Variants in CCSER1 observed in about 807,000 individuals in gnomAD.
CCSER1 encodes the protein serine-rich coiled-coil domain-containing protein 1.
CCSER1 carries 41 observed loss-of-function variants against 82.0 expected under a neutral mutation model. The ratio of observed to expected loss-of-function variants is 0.50; its 90% CI spans 0.39 to 0.65. The LOEUF is 0.65. Ranked by LOEUF, CCSER1 falls within the 30% of genes least tolerant of loss-of-function variation. The probability of loss-of-function intolerance (pLI) is 0.00; values close to 1 mark genes in which losing one functional copy is unlikely to be tolerated. For missense variants in CCSER1, 1,119 were observed against 1,064.2 expected (o/e 1.05, Z -0.72); for synonymous variants, 414 against 383.9 (o/e 1.08, Z -0.92).
intron 1 of CCSER1, among the ~76,000 whole-genome samples, chr4:90,243,632 A>G (rs1233824251): frequency 6.6e-6 from 1 of 151,902 alleles, no homozygotes; most frequent in African/African-American, 2.4e-5. Flanking sequence ...AAACAATCCT[A>G]CAGTCTCAAC....
At chr4:90,356,159 G>GTATA (rs1304315150) in intron 3 of CCSER1, among the ~76,000 whole-genome samples, 1 of 151,734 alleles carries the variant, frequency 6.6e-6, no homozygotes, top group Non-Finnish European at 1.5e-5. Context: ...CCAACTTACA[G>GTATA]TATATCAAAC....
At chr4:90,915,082 A>C (rs144619361) in intron 8 of CCSER1, among the ~76,000 whole-genome samples, 7,418 of 152,288 alleles carry the variant, frequency 0.049, 595 homozygotes, top group African/African-American at 0.17. Context: ...ATTCTACCAG[A>C]GGTACAAGGA....
At chr4:91,376,053 T>C (rs146825714) in intron 10 of CCSER1, among the ~76,000 whole-genome samples, 2,986 of 152,124 alleles carry the variant, frequency 0.02, 75 homozygotes, top group African/African-American at 0.067. Context: ...CTTAACTATG[T>C]GGAAAACATA....
At position 91,499,158 on chromosome 4, in the gene CCSER1, TATTTA is replaced by T. The variant is rs551249622; in HGVS notation, c.2218-99406_2218-99402del. Among the ~76,000 whole-genome samples, 322 of 152,184 alleles carry T rather than the reference TATTTA, an allele frequency of 2.1e-3. 1 individual carries two copies. Among genetic ancestry groups the T allele is most frequent in the African/African-American group, 7.3e-3 (302 of 41,550 alleles). The stretch of plus-strand genomic sequence containing the variant: ...TTTTATTTAATTTCAAGATATATTT[TATTTA>T]ATTTAATGCACTACATTTTCATTTA... On this transcript the variant is annotated intron_variant, in intron 10 of 10. Coordinates refer to ENST00000509176, the MANE Select transcript of CCSER1 (RefSeq NM_001145065.2).
intron 5 of CCSER1, among the ~76,000 whole-genome samples, chr4:90,541,084 A>G (rs1776041432): frequency 6.6e-6 from 1 of 152,100 alleles, no homozygotes; most frequent in Non-Finnish European, 1.5e-5. Context: ...AGACAGTTGT[A>G]GATACTGGCT....
chr4:90,180,028 T>A (rs1393457918), intron 1 of CCSER1, among the ~76,000 whole-genome samples: 1 of 151,792 alleles, frequency 6.6e-6, no homozygotes, highest in Admixed American at 6.6e-5. Context: ...AGACTAAATT[T>A]TCTTATGGCT....
At chr4:90,830,914 A>G (rs1007760095) in intron 8 of CCSER1, among the ~76,000 whole-genome samples, 5 of 152,208 alleles carry the variant, frequency 3.3e-5, no homozygotes, top group Middle Eastern at 3.4e-3. Flanking sequence ...CAGATATCCC[A>G]TCCATATAAA....
chr4:90,152,558 T>G (rs1219055831), intron 1 of CCSER1, among the ~76,000 whole-genome samples: 1 of 152,034 alleles, frequency 6.6e-6, no homozygotes, highest in Non-Finnish European at 1.5e-5. Context: ...TCCAGTGGAG[T>G]GTGATTTAGA....
chr4:91,065,459 G>T (rs1720708406), intron 9 of CCSER1, among the ~76,000 whole-genome samples: 1 of 152,036 alleles, frequency 6.6e-6, no homozygotes, highest in Admixed American at 6.6e-5. Flanking sequence ...TATATACAAG[G>T]TTAGAATTGG....
rs552248173 is a variant in CCSER1, at chr4:90,237,278, A to G, written c.-41-70966A>G. ...GTAGGAAGACAAATGGCATTTATAA[A>G]TATTAGAGTTTATGAGTACTTAATA... On this transcript the variant is annotated intron_variant, in intron 1 of 10. Transcript: ENST00000509176. Among the ~76,000 whole-genome samples the G allele has an allele frequency of 1.2e-3, 186 of 152,316 alleles. 1 individual carries two copies. Among genetic ancestry groups the G allele is most frequent in the Non-Finnish European group, 2.1e-3 (141 of 68,012 alleles).
chr4:91,366,101 C>G (rs1428696408), intron 10 of CCSER1, among the ~76,000 whole-genome samples: 1 of 152,174 alleles, frequency 6.6e-6, no homozygotes, highest in African/African-American at 2.4e-5. Context: ...TCACTGCAAC[C>G]TCCGCCTCCC....
rs536937028 is a variant in CCSER1, at chr4:90,959,856, ACT to A, written c.2172+36412_2172+36413del. Among the ~76,000 whole-genome samples, 8 of 150,168 alleles carry A rather than the reference ACT, an allele frequency of 5.3e-5. No homozygotes were observed. In the South Asian group the frequency reaches 1.7e-3, roughly 32 times the overall value. On this transcript the variant is annotated intron_variant, in intron 9 of 10. Transcript: ENST00000509176. ...CTTGCCTGTGACCTCTGAACTCTTG[ACT>A]CTGAGTCTGTCATTTAATACACATG...
At chr4:91,142,733 G>C (rs1228121759) in intron 10 of CCSER1, among the ~76,000 whole-genome samples, 2 of 152,096 alleles carry the variant, frequency 1.3e-5, no homozygotes, top group Non-Finnish European at 2.9e-5. Flanking sequence ...TTATTGAATC[G>C]AGAGTCCTTT....
At chr4:90,619,641 C>T (rs552421800) in intron 5 of CCSER1, among the ~76,000 whole-genome samples, 4 of 152,032 alleles carry the variant, frequency 2.6e-5, no homozygotes, top group Middle Eastern at 3.4e-3. Flanking sequence ...GGGAAAGAAA[C>T]CCAATGTATT....
intron 10 of CCSER1, among the ~76,000 whole-genome samples, chr4:91,533,366 CT>C (rs1463260959): frequency 6.6e-6 from 1 of 152,120 alleles, no homozygotes; most frequent in Non-Finnish European, 1.5e-5. Context: ...ATTACAGAAT[CT>C]CATATATATT....
intron 9 of CCSER1, among the ~76,000 whole-genome samples, chr4:91,009,920 A>G (rs62309833): frequency 0.27 from 41,697 of 152,092 alleles, 6,905 homozygotes; most frequent in East Asian, 0.38. Context: ...AAAGATATAT[A>G]TACTATTTAT....
chr4:90,757,595 C>G (rs1166770030), intron 7 of CCSER1, among the ~76,000 whole-genome samples: 2 of 152,136 alleles, frequency 1.3e-5, no homozygotes, highest in African/African-American at 4.8e-5. Flanking sequence ...ACGTAGTGCT[C>G]CAGAATCATG....
At chr4:91,050,184 A>C (rs1157783296) in intron 9 of CCSER1, among the ~76,000 whole-genome samples, 1 of 152,206 alleles carries the variant, frequency 6.6e-6, no homozygotes. Flanking sequence ...TAGTCTCAGC[A>C]CTTTGGGAGG....
intron 6 of CCSER1, among the ~76,000 whole-genome samples, chr4:90,684,444 G>T (rs1230313526): frequency 1.3e-5 from 2 of 151,962 alleles, no homozygotes; most frequent in Non-Finnish European, 2.9e-5. Flanking sequence ...TTTAAGCCTT[G>T]TGTTTAAGTT....
Sources: gnomAD v4.1 joint callset for allele counts (sites outside exome capture counted in the v4.1 genomes callset) on GRCh38, gnomAD v4.1.1 for gene constraint, MANE v1.5 for transcripts, NCBI Gene and HGNC (gene_info 2026-07-23, HGNC 2026-07-21) for gene names.